CDH18: variants seen among roughly 807,000 people sequenced by gnomAD.
CDH18 encodes cadherin-18.
In CDH18, 31 loss-of-function variants were observed where a neutral mutation model predicts 67.9. The ratio of observed to expected loss-of-function variants is 0.46; its 90% CI spans 0.34 to 0.62. CDH18 has a LOEUF of 0.62. Ranked by LOEUF, CDH18 falls within the 20% of genes least tolerant of loss-of-function variation. The pLI is 0.01. For missense variants in CDH18, 890 were observed against 975.5 expected (o/e 0.91, Z 1.17); for synonymous variants, 362 against 347.2 (o/e 1.04, Z -0.48).
intron 6 of CDH18, among the ~76,000 whole-genome samples, chr5:19,598,734 T>A (rs912252641): frequency 5.3e-5 from 8 of 152,156 alleles, no homozygotes; most frequent in African/African-American, 1.9e-4. Flanking sequence ...ATAATTATGT[T>A]TAGTATTAAA....
At chr5:19,554,585 G>A (rs576085748) in intron 8 of CDH18, among the ~76,000 whole-genome samples, 2 of 149,972 alleles carry the variant, frequency 1.3e-5, no homozygotes, top group South Asian at 2.1e-4. Context: ...TGTAAAATTC[G>A]CATGAAATAC....
At position 20,056,490 on chromosome 5, in the gene CDH18, T is replaced by G. The variant is rs1472164826; in HGVS notation, c.-517-64476A>C. On this transcript the variant is annotated intron_variant, in intron 2 of 14. Coordinates refer to the CDH18 transcript ENST00000507958. ...TTTTCTTTCTTTTGTTTTTTTTTTT[T>G]TTTTTTTTTTTTTTGCAGGGAAAGG... Among the ~76,000 whole-genome samples, 10 of 133,864 alleles carry G rather than the reference T, an allele frequency of 7.5e-5. 1 individual carries two copies. Among genetic ancestry groups the G allele is most frequent in the South Asian group, 2.5e-4 (1 of 4,032 alleles). The allele number at this position is 133,864 out of a possible 152,430, so 87.8% of individuals were successfully genotyped here. A position where few individuals can be genotyped will look rare whatever the true frequency, so the allele number is the denominator to read the frequency against.
chr5:20,234,891 AT>A (rs1742353823), intron 2 of CDH18, among the ~76,000 whole-genome samples: 1 of 152,134 alleles, frequency 6.6e-6, no homozygotes, highest in African/African-American at 2.4e-5. Context: ...ATCTTAACAT[AT>A]CCCAGTCACA....
At chr5:19,927,749 G>A (rs1793251496) in intron 2 of CDH18, among the ~76,000 whole-genome samples, 1 of 152,048 alleles carries the variant, frequency 6.6e-6, no homozygotes, top group African/African-American at 2.4e-5. Context: ...ATATGTGTCA[G>A]AAAAAACCTG....
At chr5:20,368,449 A>G (rs774391304) in intron 1 of CDH18, among the ~76,000 whole-genome samples, 3 of 152,216 alleles carry the variant, frequency 2.0e-5, no homozygotes, top group Non-Finnish European at 2.9e-5. Flanking sequence ...ACACAATTCC[A>G]TAGTACACAA....
intron 12 of CDH18, among the ~76,000 whole-genome samples, chr5:19,478,087 A>AAG (rs1738785941): frequency 6.6e-6 from 1 of 152,184 alleles, no homozygotes; most frequent in South Asian, 2.1e-4. Context: ...AAGTAATTCA[A>AAG]AGATGGGGAA....
intron 2 of CDH18, among the ~76,000 whole-genome samples, chr5:19,886,586 A>G (rs1332751413): frequency 6.6e-6 from 1 of 152,138 alleles, no homozygotes. Context: ...TCTTTTGAGT[A>G]TGTGTGTTAC....
chr5:19,927,045 G>A (rs1030114057), intron 2 of CDH18, among the ~76,000 whole-genome samples: 3 of 152,108 alleles, frequency 2.0e-5, no homozygotes, highest in African/African-American at 7.2e-5. Context: ...TGTTGGCCTT[G>A]ACAGTGTCGA....
intron 1 of CDH18, among the ~76,000 whole-genome samples, chr5:20,322,177 C>A (rs1298149552): frequency 6.6e-6 from 1 of 152,084 alleles, no homozygotes; most frequent in African/African-American, 2.4e-5. Flanking sequence ...TAAGAAGAAT[C>A]TGAGAATGTG....
Position 19,482,087 on chromosome 5 carries a change from A to T in CDH18, c.1882+1214T>A, listed in dbSNP as rs371300711. ...TGTGTTTTTTAATAAACTGTAATGA[A>T]AATTTCAAATAAAAAATTTATTTTA... On this transcript the variant is annotated intron_variant, in intron 12 of 12. Transcript: ENST00000382275. Among the ~76,000 whole-genome samples, 6 of 152,184 alleles carry T rather than the reference A, an allele frequency of 3.9e-5. No individual in the cohort carries two copies. In the East Asian group the frequency reaches 1.2e-3, roughly 29 times the overall value.
chr5:19,749,395 T>A (rs955479463), intron 3 of CDH18, among the ~76,000 whole-genome samples: 2 of 151,566 alleles, frequency 1.3e-5, no homozygotes, highest in African/African-American at 4.8e-5. Flanking sequence ...ATGTGTTATG[T>A]CTTTTAACAA....
At chr5:20,391,803 T>C (rs1388834497) in intron 1 of CDH18, among the ~76,000 whole-genome samples, 2 of 152,022 alleles carry the variant, frequency 1.3e-5, no homozygotes, top group African/African-American at 4.8e-5. Flanking sequence ...TTATAAATTT[T>C]CCATAAATTA....
At chr5:20,573,059 T>C (rs1758898961) in intron 1 of CDH18, among the ~76,000 whole-genome samples, 2 of 152,112 alleles carry the variant, frequency 1.3e-5, no homozygotes, top group Admixed American at 6.6e-5. Context: ...TAAAAACACT[T>C]TCTTTTTTTC....
At chr5:19,492,332 C>T (rs1741605668) in intron 11 of CDH18, among the ~76,000 whole-genome samples, 1 of 152,036 alleles carries the variant, frequency 6.6e-6, no homozygotes, top group Admixed American at 6.5e-5. Flanking sequence ...CTAATGATTT[C>T]ATATTGGGGG....
At chr5:19,615,297 T>A (rs1295154874) in intron 5 of CDH18, among the ~76,000 whole-genome samples, 1 of 152,148 alleles carries the variant, frequency 6.6e-6, no homozygotes, top group Non-Finnish European at 1.5e-5. Flanking sequence ...AGATGATCAC[T>A]TTCTAACCTG....
chr5:20,281,268 A>C (rs1181669120), intron 1 of CDH18, among the ~76,000 whole-genome samples: 1 of 152,194 alleles, frequency 6.6e-6, no homozygotes, highest in African/African-American at 2.4e-5. Flanking sequence ...TGTTTTAGAC[A>C]TGAAGTCCTT....
intron 4 of CDH18, among the ~76,000 whole-genome samples, chr5:19,738,051 C>T (rs1227193559): frequency 1.3e-5 from 2 of 152,082 alleles, no homozygotes; most frequent in Non-Finnish European, 2.9e-5. Context: ...AAAAATGTCA[C>T]ATTTAAGAAT....
intron 1 of CDH18, among the ~76,000 whole-genome samples, chr5:20,282,872 A>G (rs1043299267): frequency 1.3e-5 from 2 of 152,124 alleles, no homozygotes; most frequent in African/African-American, 4.8e-5. Flanking sequence ...AAATTATACC[A>G]CAAAGCCATA....
intron 1 of CDH18, among the ~76,000 whole-genome samples, chr5:20,573,985 C>T (rs1467080422): frequency 1.4e-5 from 2 of 147,588 alleles, no homozygotes; most frequent in African/African-American, 4.9e-5. Flanking sequence ...ACAAATGACT[C>T]AATTTAAAAA....
Sources: allele counts gnomAD v4.1 joint callset (sites outside exome capture counted in the v4.1 genomes callset), GRCh38; gene constraint gnomAD v4.1.1; transcripts MANE v1.5; gene names NCBI Gene and HGNC (gene_info 2026-07-23, HGNC 2026-07-21).